Variants in MAP2K5 observed in about 807,000 individuals in gnomAD.
The protein encoded by MAP2K5 is mitogen-activated protein kinase kinase 5.
A neutral mutation model predicts 83.1 loss-of-function variants in MAP2K5; 49 were observed. The ratio of observed to expected loss-of-function variants is 0.59; its 90% CI spans 0.47 to 0.75. MAP2K5 has a LOEUF of 0.75. MAP2K5 is among the 30% of genes least tolerant of loss of function. The probability of loss-of-function intolerance (pLI) is 0.00; values close to 1 mark genes in which losing one functional copy is unlikely to be tolerated. For missense variants in MAP2K5, 457 were observed against 557.5 expected (o/e 0.82, Z 1.82); for synonymous variants, 202 against 191.8 (o/e 1.05, Z -0.44).
intron 8 of MAP2K5, among the ~76,000 whole-genome samples, chr15:67,611,384 T>C (rs972858287): frequency 3.9e-5 from 6 of 152,154 alleles, no homozygotes; most frequent in African/African-American, 1.4e-4. Context: ...TAATTCTTAG[T>C]GAGTATTTGC....
intron 4 of MAP2K5, among the ~76,000 whole-genome samples, chr15:67,583,300 T>TGGAGAGGAG (rs1392930635): frequency 1.3e-5 from 2 of 151,900 alleles, no homozygotes; most frequent in Non-Finnish European, 2.9e-5. Context: ...TGTTTTGGAG[T>TGGAGAGGAG]GGAGAGGAGT....
rs1401886263 is a variant in MAP2K5, at chr15:67,750,718, C to T, written c.1134+2117C>T. The stretch of plus-strand genomic sequence containing the variant: ...AACTGCTTGCCAGGGCTAAGTCTTC[C>T]CCTTTAGTTCCCACAGGGCAATTAG... On this transcript the variant is annotated intron_variant, in intron 19 of 21. Coordinates refer to ENST00000178640, the MANE Select transcript of MAP2K5 (RefSeq NM_145160.3). The surrounding 1 kb of genome is among the most constrained non-coding windows in gnomAD (Gnocchi z 4.2). Among the ~76,000 whole-genome samples, 1 of 152,142 alleles carries T rather than the reference C, an allele frequency of 6.6e-6. No homozygotes were observed. The highest frequency in any genetic ancestry group is 2.4e-5 in the African/African-American group (1 of 41,422).
At chr15:67,691,616 AAG>A (rs1466503390) in intron 13 of MAP2K5, among the ~76,000 whole-genome samples, 1 of 152,198 alleles carries the variant, frequency 6.6e-6, no homozygotes, top group African/African-American at 2.4e-5. Context: ...TTTGCCATAA[AAG>A]ACGCATTGAA....
At position 67,690,538 on chromosome 15, in the gene MAP2K5, A is replaced by ATTT. The variant is rs11418264; in HGVS notation, c.848-1929_848-1927dup. On this transcript the variant is annotated intron_variant, in intron 13 of 21. Transcript: ENST00000178640. This position sits in a 1 kb window ranked among gnomAD's most constrained non-coding sequence, Gnocchi z 4.3. ...GGTAAAGGGGACATTTGTCTTAGCA[A>ATTT]TTTTTTTTTTTTTTGAGACAAGTCT... Among the ~76,000 whole-genome samples the ATTT allele has an allele frequency of 1.4e-5, 2 of 146,910 alleles. No homozygotes were observed. Among genetic ancestry groups the ATTT allele is most frequent in the Non-Finnish European group, 1.5e-5 (1 of 66,738 alleles).
intron 13 of MAP2K5, among the ~76,000 whole-genome samples, chr15:67,672,697 T>C (rs2087573278): frequency 5.6e-5 from 8 of 143,906 alleles, no homozygotes; most frequent in Non-Finnish European, 7.7e-5. Flanking sequence ...TGGCTTTTGT[T>C]GCCATTGCTT....
intron 16 of MAP2K5, among the ~76,000 whole-genome samples, chr15:67,726,372 G>A (rs1002470728): frequency 6.6e-6 from 1 of 152,110 alleles, no homozygotes; most frequent in Non-Finnish European, 1.5e-5. Flanking sequence ...TTTGTATGTG[G>A]CTTTGGGTTT....
At chr15:67,598,100 G>A (rs2085567780) in intron 7 of MAP2K5, among the ~76,000 whole-genome samples, 1 of 151,884 alleles carries the variant, frequency 6.6e-6, no homozygotes, top group South Asian at 2.1e-4. Flanking sequence ...AGCTGCTCGG[G>A]AGGCTGAGGC....
intron 13 of MAP2K5, among the ~76,000 whole-genome samples, chr15:67,673,510 T>C (rs1179765523): frequency 1.3e-5 from 2 of 152,170 alleles, no homozygotes; most frequent in Admixed American, 1.3e-4. Flanking sequence ...AGGTAAAACG[T>C]TTGAATTCCT....
chr15:67,756,513 T>G (rs1260652417), intron 19 of MAP2K5, among the ~76,000 whole-genome samples: 9 of 98,528 alleles, frequency 9.1e-5, no homozygotes, highest in South Asian at 4.3e-4. Context: ...CACACACAGT[T>G]ACTGTGTGTG....
chr15:67,737,239 G>T (rs189255902), intron 17 of MAP2K5, among the ~76,000 whole-genome samples: 13 of 152,282 alleles, frequency 8.5e-5, no homozygotes, highest in Admixed American at 3.9e-4. Flanking sequence ...TGGATCCCTG[G>T]GGGGAGAATG....
chr15:67,549,351 G>A (rs903744469), intron 1 of MAP2K5: 4 of 709,200 alleles, frequency 5.6e-6, no homozygotes, highest in South Asian at 1.8e-5. Flanking sequence ...ACTTTATTTC[G>A]GTGTCATTAA....
chr15:67,704,291 T>C (rs1596823528), intron 16 of MAP2K5, among the ~76,000 whole-genome samples: 1 of 152,324 alleles, frequency 6.6e-6, no homozygotes, highest in Non-Finnish European at 1.5e-5. Context: ...GGTCTTGCCA[T>C]ATTGCCTGGG....
chr15:67,556,776 C>A (rs2084636144), intron 2 of MAP2K5, among the ~76,000 whole-genome samples: 1 of 152,124 alleles, frequency 6.6e-6, no homozygotes, highest in Non-Finnish European at 1.5e-5. Flanking sequence ...TGGTCTCGAA[C>A]TCCTGACCTC....
intron 13 of MAP2K5, among the ~76,000 whole-genome samples, chr15:67,671,759 C>G (rs1034674281): frequency 2.7e-5 from 4 of 149,952 alleles, no homozygotes; most frequent in African/African-American, 9.8e-5. Context: ...TGTGCTGCAC[C>G]CATTAACTCG....
intron 13 of MAP2K5, among the ~76,000 whole-genome samples, chr15:67,679,325 T>C (rs923687378): frequency 2.0e-5 from 3 of 152,184 alleles, no homozygotes; most frequent in Non-Finnish European, 2.9e-5. Flanking sequence ...GAGGCAGTTA[T>C]GGGTGGCAAC....
At chr15:67,578,019 A>G (rs185988790) in intron 3 of MAP2K5, among the ~76,000 whole-genome samples, 2 of 152,090 alleles carry the variant, frequency 1.3e-5, no homozygotes, top group East Asian at 1.9e-4. Context: ...GAAAACCCCA[A>G]TTTGTTTTGC....
At chr15:67,648,826 G>A (rs754869892) in intron 11 of MAP2K5, among the ~76,000 whole-genome samples, 32 of 152,132 alleles carry the variant, frequency 2.1e-4, no homozygotes, top group Admixed American at 6.5e-4. Flanking sequence ...TGATCTCCCC[G>A]CCTTGGCCTC....
rs76589548 is a variant in MAP2K5, at chr15:67,796,879, G to T, written c.1243-9767G>T. ...CTGCTTAAGGGACATTCAAGCTCCA[G>T]CCAGCAGGAAAGGAGGAAAGGGTGT... On this transcript the variant is annotated intron_variant, in intron 21 of 21. Transcript: ENST00000178640. Among the ~76,000 whole-genome samples the T allele has an allele frequency of 4.3e-3, 651 of 152,316 alleles. 7 individuals carry two copies. Among genetic ancestry groups the T allele is most frequent in the African/African-American group, 0.015 (616 of 41,570 alleles).
chr15:67,543,884 C>T lies in MAP2K5; in HGVS notation c.135+414C>T, dbSNP rs576443839. Among the ~76,000 whole-genome samples the T allele has an allele frequency of 2.6e-5, 4 of 152,314 alleles. No homozygotes were observed. The South Asian group carries it at 8.3e-4, about 32-fold the overall frequency. On this transcript the variant is annotated intron_variant, in intron 1 of 21. Transcript: ENST00000178640. The surrounding 1 kb of genome is among the most constrained non-coding windows in gnomAD (Gnocchi z 4.3). ...CAGCTGAGAAAGGGAAAAAGGACAACTTTAACTTACCATGTTTGAGCACAC... is the reference window on the plus strand; with the variant it reads ...CAGCTGAGAAAGGGAAAAAGGACAATTTTAACTTACCATGTTTGAGCACAC...
Sources: gnomAD v4.1 joint callset for allele counts (sites outside exome capture counted in the v4.1 genomes callset) on GRCh38, gnomAD v4.1.1 for gene constraint, Gnocchi (gnomAD v3.1) non-coding constraint, MANE v1.5 for transcripts, NCBI Gene and HGNC (gene_info 2026-07-23, HGNC 2026-07-21) for gene names.